The following PHF2 variants were observed in gnomAD, a reference collection of about 807,000 sequenced individuals.
PHF2 encodes lysine-specific demethylase PHF2.
In PHF2, 27 loss-of-function variants were observed where a neutral mutation model predicts 120.5. The observed-to-expected ratio is 0.22, with a 90% CI of 0.17 to 0.31. The LOEUF (loss-of-function observed/expected upper bound fraction) is 0.31. Ranked by LOEUF, PHF2 falls within the 10% of genes least tolerant of loss-of-function variation. The pLI is 1.00. For synonymous variants in PHF2, 568 were observed against 592.5 expected (o/e 0.96, Z 0.60); for missense variants, 1,024 against 1,434.8 (o/e 0.71, Z 4.63).
intron 1 of PHF2, among the ~76,000 whole-genome samples, chr9:93,579,938 G>A (rs964281236): frequency 2.0e-5 from 3 of 152,220 alleles, no homozygotes; most frequent in African/African-American, 7.2e-5. Context: ...TTCTTGCCTT[G>A]GTGGGTGGGG....
chr9:93,650,856 A>G (rs761368638), intron 5 of PHF2, among the ~76,000 whole-genome samples: 25 of 152,194 alleles, frequency 1.6e-4, no homozygotes, highest in Admixed American at 4.6e-4. Context: ...CGTCATGCCT[A>G]CTTCCTGAAA....
chr9:93,612,072 C>T (rs1825645262), intron 1 of PHF2, among the ~76,000 whole-genome samples: 1 of 152,190 alleles, frequency 6.6e-6, no homozygotes, highest in Non-Finnish European at 1.5e-5. Flanking sequence ...TGTCTCTATA[C>T]TCTTCTGCAA....
intron 3 of PHF2, among the ~76,000 whole-genome samples, chr9:93,639,597 TC>T (rs1034129810): frequency 2.6e-5 from 4 of 152,052 alleles, no homozygotes; most frequent in Admixed American, 2.6e-4. Context: ...CCCAAGAACC[TC>T]CAATATCACC....
chr9:93,583,999 T>C (rs1185609779), intron 1 of PHF2, among the ~76,000 whole-genome samples: 1 of 152,096 alleles, frequency 6.6e-6, no homozygotes, highest in African/African-American at 2.4e-5. Context: ...TGGCTAATTT[T>C]GCATTTTTAG....
At chr9:93,632,595 G>A (rs1826020006) in intron 2 of PHF2, among the ~76,000 whole-genome samples, 1 of 152,142 alleles carries the variant, frequency 6.6e-6, no homozygotes, top group Admixed American at 6.5e-5. Flanking sequence ...GAAGGAAGGA[G>A]GCAGCTTTCT....
chr9:93,608,271 T>C lies in PHF2; in HGVS notation c.99-21699T>C, dbSNP rs1300342621. ...CTAGGAGTTTGAGTCTGCAGTGGGCTGTGATTGCGCCACTGTACTCTAGCC... is the reference window on the plus strand; with the variant it reads ...CTAGGAGTTTGAGTCTGCAGTGGGCCGTGATTGCGCCACTGTACTCTAGCC... On this transcript the variant is annotated intron_variant, in intron 1 of 21. Coordinates refer to ENST00000359246, the MANE Select transcript of PHF2 (RefSeq NM_005392.4). Among the ~76,000 whole-genome samples the C allele has an allele frequency of 4.6e-5, 7 of 152,208 alleles. No homozygotes were observed. In the South Asian group the frequency reaches 1.5e-3, roughly 32 times the overall value.
chr9:93,632,101 A>G (rs750195725), intron 2 of PHF2, among the ~76,000 whole-genome samples: 3 of 152,118 alleles, frequency 2.0e-5, no homozygotes, highest in Non-Finnish European at 4.4e-5. Flanking sequence ...CCCACCTGCC[A>G]TGGGAGCCCT....
rs373926607 is a variant in PHF2, at chr9:93,660,421, C to T, written c.1559C>T (p.Thr520Met). The T allele has an allele frequency of 6.6e-5, 80 of 1,213,062 alleles. No homozygotes were observed. Among genetic ancestry groups the T allele is most frequent in the East Asian group, 1.0e-4 (2 of 19,562 alleles). The allele number at this position is 1,213,062 out of a possible 1,614,324, so 75.1% of individuals were successfully genotyped here. Reference sequence around the variant, plus strand: ...CCTAAGCCCCCAAGGCCCCCCAAAACGCTGAAGCTCAAAGATGGAGGCAAG... The same window carrying T: ...CCTAAGCCCCCAAGGCCCCCCAAAATGCTGAAGCTCAAAGATGGAGGCAAG... ...KPPKPPRPPK[T>M]LKLKDGGKKK... The change falls in exon 12 of 22, where the codon ACG (threonine) becomes ATG (methionine). Residue 520 changes from threonine (T) to methionine (M), a missense_variant. Around this residue, in one of 2 missense-constraint regions of PHF2, gnomAD observed 677 missense variants for 857.4 expected, o/e 0.79. Coordinates refer to ENST00000359246, the MANE Select transcript of PHF2 (RefSeq NM_005392.4).
At chr9:93,652,290 C>CTTTTT (rs751282822) in intron 5 of PHF2, among the ~76,000 whole-genome samples, 4 of 96,344 alleles carry the variant, frequency 4.2e-5, no homozygotes, top group African/African-American at 1.8e-4. Context: ...TTGAGCTTGA[C>CTTTTT]TTTTTTTTTT....
intron 1 of PHF2, among the ~76,000 whole-genome samples, chr9:93,594,185 GACC>G (rs1389448222): frequency 4.5e-5 from 2 of 44,506 alleles, no homozygotes; most frequent in African/African-American, 1.7e-4. Context: ...CTTCTCATGT[GACC>G]CCCCCCCCCT....
chr9:93,656,601 G>C lies in PHF2; in HGVS notation c.1147+6G>C, dbSNP rs1358533824. The stretch of plus-strand genomic sequence containing the variant: ...CCTGCTGGAGGCATTCAAAGGTACT[G>C]GTCACTCCGGGGTGGGCGTCCAAGC... On this transcript the variant is annotated splice_donor_region_variant and intron_variant, in intron 9 of 21. Transcript: ENST00000359246. The surrounding 1 kb of genome is among the most constrained non-coding windows in gnomAD (Gnocchi z 4.1). The C allele has an allele frequency of 6.2e-7, 1 of 1,602,466 alleles. No individual in the cohort carries two copies. The highest frequency in any genetic ancestry group is 1.7e-5 in the Admixed American group (1 of 59,980).
At chr9:93,617,196 C>A (rs1825743397) in intron 1 of PHF2, among the ~76,000 whole-genome samples, 2 of 152,202 alleles carry the variant, frequency 1.3e-5, no homozygotes, top group African/African-American at 4.8e-5. Flanking sequence ...CCCCTGAAGG[C>A]AACCCCTAGC....
intron 1 of PHF2, among the ~76,000 whole-genome samples, chr9:93,602,351 C>T (rs1262754905): frequency 4.9e-5 from 7 of 142,396 alleles, no homozygotes; most frequent in African/African-American, 1.3e-4. Context: ...CTCCCGGGTT[C>T]GAGTGATTCT....
At chr9:93,668,734 C>G (rs1160037077) in intron 17 of PHF2, among the ~76,000 whole-genome samples, 2 of 152,218 alleles carry the variant, frequency 1.3e-5, no homozygotes, top group African/African-American at 4.8e-5. Flanking sequence ...ACACTGATAA[C>G]AAAAGACCCA....
intron 7 of PHF2, 83 bp downstream of exon 7, chr9:93,654,658 C>A: frequency 7.5e-7 from 1 of 1,335,606 alleles, no homozygotes; most frequent in South Asian, 1.2e-5. Flanking sequence ...TGGACCGTGT[C>A]CCCACCATGG....
chr9:93,674,887 T>G, intron 18 of PHF2, 40 bp from the exon 19 acceptor site: 2 of 1,481,906 alleles, frequency 1.3e-6, no homozygotes, highest in Non-Finnish European at 1.9e-6. Context: ...GGACCTGCCC[T>G]GCACTCAGCG....
At chr9:93,602,700 C>T (rs1825464938) in intron 1 of PHF2, among the ~76,000 whole-genome samples, 2 of 152,050 alleles carry the variant, frequency 1.3e-5, no homozygotes, top group African/African-American at 4.8e-5. Context: ...CCTGGGACCT[C>T]GGGTGCATGG....
rs1446887848 is a variant in PHF2, at chr9:93,636,712, C to T, written c.299+187C>T. Among the ~76,000 whole-genome samples, 9 of 152,228 alleles carry T rather than the reference C, an allele frequency of 5.9e-5. No individual in the cohort carries two copies. In the East Asian group the frequency reaches 1.7e-3, roughly 29 times the overall value. ...CAACCCAAAGCTCCCTGCAAATGGG[C>T]CAACCTCTCCTTCCCTTGGTCAGCA... On this transcript the variant is annotated intron_variant, in intron 3 of 21. Coordinates refer to ENST00000359246, the MANE Select transcript of PHF2 (RefSeq NM_005392.4).
intron 18 of PHF2, 74 bp from the exon 19 acceptor site, chr9:93,674,853 C>CT (rs1428546889): frequency 6.4e-5 from 68 of 1,069,552 alleles, no homozygotes; most frequent in Non-Finnish European, 9.6e-5. Context: ...CTGCAGCCAC[C>CT]TGTACCCCCC....
Sources: gnomAD v4.1 joint callset for allele counts (sites outside exome capture counted in the v4.1 genomes callset) on GRCh38, gnomAD v4.1.1 for gene constraint, gnomAD v4.1.1 regional missense constraint, Gnocchi (gnomAD v3.1) non-coding constraint, MANE v1.5 for transcripts, NCBI Gene and HGNC (gene_info 2026-07-23, HGNC 2026-07-21) for gene names.